BRD10: variants seen among roughly 807,000 people sequenced by gnomAD.
BRD10 encodes uncharacterized bromodomain-containing protein 10.
the BRD10 span, among the ~76,000 whole-genome samples, chr9:5,954,959 G>A: frequency 4.0e-4 from 61 of 151,864 alleles, no homozygotes; most frequent in Non-Finnish European, 5.1e-4. Context: ...GTGGTGGTGC[G>A]TGCCTGTAAT....
the BRD10 span, among the ~76,000 whole-genome samples, chr9:5,993,513 G>C: frequency 6.6e-6 from 1 of 152,086 alleles, no homozygotes; most frequent in Non-Finnish European, 1.5e-5. Context: ...AATAGGAAGG[G>C]ATAGTGAAGC....
the BRD10 span, chr9:5,921,747 C>T: frequency 6.8e-6 from 11 of 1,613,868 alleles, no homozygotes; most frequent in African/African-American, 2.7e-5. Context: ...ATGCTAATTA[C>T]ACTTACCGAA....
chr9:5,980,432 T>C, the BRD10 span, among the ~76,000 whole-genome samples: 26 of 152,300 alleles, frequency 1.7e-4, no homozygotes, highest in African/African-American at 6.3e-4. Flanking sequence ...AAGACAGCAA[T>C]AGAGGAATGC....
At chr9:6,007,899 A>G in the BRD10 span, 2 of 1,364,572 alleles carry the variant, frequency 1.5e-6, no homozygotes, top group Non-Finnish European at 1.9e-6. Context: ...CCCCCGCCAC[A>G]TCGGGCCTGG....
At chr9:5,908,841 G>A in the BRD10 span, 5 of 805,014 alleles carry the variant, frequency 6.2e-6, no homozygotes, top group Non-Finnish European at 1.0e-5. Flanking sequence ...ATAAGTCAGT[G>A]TTAAAATTTT....
At chr9:5,952,051 TCCCTC>T in the BRD10 span, among the ~76,000 whole-genome samples, 1 of 135,656 alleles carries the variant, frequency 7.4e-6, no homozygotes, top group Non-Finnish European at 1.6e-5. Context: ...AGACAGAGTT[TCCCTC>T]ATTGCCCAGC....
the BRD10 span, chr9:5,969,542 TTTTA>T: frequency 1.2e-4 from 88 of 740,732 alleles, no homozygotes; most frequent in Middle Eastern, 1.8e-3. Context: ...ACTGTCCTAG[TTTTA>T]TTTATTTATT....
chr9:5,979,494 T>C, the BRD10 span, among the ~76,000 whole-genome samples: 1 of 150,262 alleles, frequency 6.7e-6, no homozygotes, highest in Non-Finnish European at 1.5e-5. Flanking sequence ...GGAGACAGAG[T>C]GAGAACCTGT....
At chr9:5,976,278 T>C in the BRD10 span, among the ~76,000 whole-genome samples, 1 of 152,242 alleles carries the variant, frequency 6.6e-6, no homozygotes, top group Admixed American at 6.5e-5. Flanking sequence ...AATTTATAGA[T>C]ACTGTGTACT....
At chr9:5,911,901 G>T in the BRD10 span, among the ~76,000 whole-genome samples, 1 of 152,006 alleles carries the variant, frequency 6.6e-6, no homozygotes, top group Non-Finnish European at 1.5e-5. Flanking sequence ...TAAATTTTAG[G>T]ATTATTTTTC....
the BRD10 span, among the ~76,000 whole-genome samples, chr9:5,935,256 G>A: frequency 6.6e-6 from 1 of 152,152 alleles, no homozygotes; most frequent in South Asian, 2.1e-4. Flanking sequence ...ATCCCACACT[G>A]AATACATTGA....
the BRD10 span, among the ~76,000 whole-genome samples, chr9:5,938,401 G>C: frequency 1.3e-5 from 2 of 152,168 alleles, no homozygotes; most frequent in African/African-American, 4.8e-5. Flanking sequence ...AGCTATGATC[G>C]TGCCATTGCA....
At chr9:5,973,030 G>A in the BRD10 span, among the ~76,000 whole-genome samples, 2 of 152,062 alleles carry the variant, frequency 1.3e-5, no homozygotes, top group Non-Finnish European at 2.9e-5. Flanking sequence ...TGCTTCCAGT[G>A]GAAGAACAGT....
the BRD10 span, among the ~76,000 whole-genome samples, chr9:5,972,094 G>T: frequency 6.6e-6 from 1 of 152,124 alleles, no homozygotes; most frequent in Non-Finnish European, 1.5e-5. Flanking sequence ...ATCTCTAAGG[G>T]AATGCACCTT....
the BRD10 span, among the ~76,000 whole-genome samples, chr9:5,981,950 T>C: frequency 1.3e-5 from 2 of 152,072 alleles, no homozygotes; most frequent in African/African-American, 4.8e-5. Flanking sequence ...GGGTGATGGG[T>C]GCACCAGAAT....
chr9:5,961,692 A>G, the BRD10 span, among the ~76,000 whole-genome samples: 1 of 152,196 alleles, frequency 6.6e-6, no homozygotes, highest in Non-Finnish European at 1.5e-5. Context: ...TCTTCTATTT[A>G]TTCTATAATG....
At chr9:5,907,035 T>C in the BRD10 span, 13 of 1,347,278 alleles carry the variant, frequency 9.6e-6, no homozygotes, top group Admixed American at 2.9e-4. Flanking sequence ...TTTTCATGAA[T>C]GGCTGTTTTT....
chr9:5,979,133 T>C, the BRD10 span, among the ~76,000 whole-genome samples: 3 of 152,156 alleles, frequency 2.0e-5, no homozygotes, highest in South Asian at 2.1e-4. Context: ...ATCACTGGAG[T>C]TTAAAAATCT....
chr9:5,968,021 G>C, the BRD10 span: 1 of 1,502,700 alleles, frequency 6.7e-7, no homozygotes, highest in Non-Finnish European at 8.9e-7. Flanking sequence ...TAGCTTACCA[G>C]ATTTGTGCTT....
Sources: allele counts gnomAD v4.1 joint callset (sites outside exome capture counted in the v4.1 genomes callset), GRCh38; gene constraint gnomAD v4.1.1; transcripts MANE v1.5; gene names NCBI Gene and HGNC (gene_info 2026-07-23, HGNC 2026-07-21).